The following SLC24A2 variants were observed in gnomAD, a reference collection of about 807,000 sequenced individuals.
SLC24A2 encodes the protein solute carrier family 24 member 2.
SLC24A2 carries 36 observed loss-of-function variants against 62.0 expected under a neutral mutation model. The observed-to-expected ratio is 0.58, with a 90% CI of 0.44 to 0.77. SLC24A2 has a LOEUF of 0.77. Among genes scored for constraint, SLC24A2 ranks in the 30% least tolerant of loss-of-function variants. The probability of loss-of-function intolerance (pLI) is 0.00; values close to 1 mark genes in which losing one functional copy is unlikely to be tolerated. For missense variants in SLC24A2, 846 were observed against 817.9 expected, an observed-to-expected ratio of 1.03 and a Z score of -0.42; for synonymous variants, 358 against 294.0, an observed-to-expected ratio of 1.22 and a Z score of -2.23.
intron 2 of SLC24A2, among the ~76,000 whole-genome samples, chr9:19,769,192 G>A (rs1342747480): frequency 1.3e-5 from 2 of 152,178 alleles, no homozygotes; most frequent in Non-Finnish European, 2.9e-5. Context: ...TAGTTACACA[G>A]GACAAAAAAT....
chr9:19,755,539 G>C (rs1822114330), intron 2 of SLC24A2, among the ~76,000 whole-genome samples: 1 of 152,172 alleles, frequency 6.6e-6, no homozygotes, highest in East Asian at 1.9e-4. Context: ...GGGTGTGGAA[G>C]TATGACAAAG....
At chr9:19,529,735 G>A (rs945607105) in intron 8 of SLC24A2, among the ~76,000 whole-genome samples, 3 of 150,308 alleles carry the variant, frequency 2.0e-5, no homozygotes, top group African/African-American at 7.3e-5. Flanking sequence ...TTTTTAAAGT[G>A]GAGTTGGAGA....
At chr9:20,218,986 C>T in the SLC24A2 span, among the ~76,000 whole-genome samples, 1 of 152,074 alleles carries the variant, frequency 6.6e-6, no homozygotes, top group Non-Finnish European at 1.5e-5. Context: ...GCTTAATTCA[C>T]TTTAACAAAA....
At chr9:19,623,633 AT>A (rs1162197587) in intron 2 of SLC24A2, among the ~76,000 whole-genome samples, 1 of 152,210 alleles carries the variant, frequency 6.6e-6, no homozygotes, top group African/African-American at 2.4e-5. Flanking sequence ...CAAATCTACA[AT>A]TTGTTTTCAC....
At chr9:20,168,331 G>A in the SLC24A2 span, among the ~76,000 whole-genome samples, 2 of 151,656 alleles carry the variant, frequency 1.3e-5, no homozygotes, top group Non-Finnish European at 2.9e-5. Context: ...AAAAAAGTAT[G>A]GGATATGACA....
At chr9:20,242,703 G>A in the SLC24A2 span, among the ~76,000 whole-genome samples, 2 of 152,148 alleles carry the variant, frequency 1.3e-5, no homozygotes, top group Non-Finnish European at 2.9e-5. Context: ...AAATAGCTGC[G>A]GTTAAAACAT....
intron 7 of SLC24A2, among the ~76,000 whole-genome samples, chr9:19,555,038 A>G (rs923286858): frequency 6.6e-6 from 1 of 152,166 alleles, no homozygotes; most frequent in Non-Finnish European, 1.5e-5. Flanking sequence ...TGTTAACACT[A>G]GACTAGGTGT....
chr9:19,816,242 T>C, the SLC24A2 span, among the ~76,000 whole-genome samples: 1 of 152,058 alleles, frequency 6.6e-6, no homozygotes, highest in Non-Finnish European at 1.5e-5. Flanking sequence ...TCAGGCTCTT[T>C]CTGTTTTGTT....
chr9:19,904,345 A>G, the SLC24A2 span, among the ~76,000 whole-genome samples: 1 of 152,296 alleles, frequency 6.6e-6, no homozygotes, highest in South Asian at 2.1e-4. Context: ...CACCAAAATC[A>G]CCCTCTGTAG....
At chr9:19,815,300 C>A in the SLC24A2 span, among the ~76,000 whole-genome samples, 1 of 152,098 alleles carries the variant, frequency 6.6e-6, no homozygotes, top group African/African-American at 2.4e-5. Flanking sequence ...TTCAAATTCT[C>A]ATTTCTTCCT....
the SLC24A2 span, among the ~76,000 whole-genome samples, chr9:19,857,013 T>G: frequency 6.6e-6 from 1 of 152,244 alleles, no homozygotes; most frequent in African/African-American, 2.4e-5. Context: ...TGGGTTGTAT[T>G]TTAACTTTAT....
the SLC24A2 span, among the ~76,000 whole-genome samples, chr9:19,832,303 C>T: frequency 1.3e-5 from 2 of 152,210 alleles, no homozygotes; most frequent in South Asian, 4.1e-4. Context: ...TGACTAACTA[C>T]TTCAAGTTGT....
At chr9:20,039,268 T>C in the SLC24A2 span, among the ~76,000 whole-genome samples, 1 of 152,214 alleles carries the variant, frequency 6.6e-6, no homozygotes, top group South Asian at 2.1e-4. Flanking sequence ...TGTTCTGCTA[T>C]GTCTAGAGCC....
the SLC24A2 span, among the ~76,000 whole-genome samples, chr9:20,284,696 C>T: frequency 6.6e-6 from 1 of 152,068 alleles, no homozygotes; most frequent in Non-Finnish European, 1.5e-5. Context: ...TAGAGTTTCA[C>T]AAGTAGAGAA....
chr9:20,144,939 G>A, the SLC24A2 span, among the ~76,000 whole-genome samples: 22 of 151,976 alleles, frequency 1.4e-4, no homozygotes, highest in Non-Finnish European at 2.6e-4. Context: ...CAATAATCCT[G>A]TCCTTCCAAA....
the SLC24A2 span, among the ~76,000 whole-genome samples, chr9:20,065,279 C>T: frequency 7.9e-5 from 12 of 152,214 alleles, no homozygotes; most frequent in African/African-American, 2.2e-4. Flanking sequence ...CAGCAGTCTC[C>T]CAGACAAGAC....
the SLC24A2 span, among the ~76,000 whole-genome samples, chr9:20,087,485 T>C: frequency 6.6e-6 from 1 of 152,156 alleles, no homozygotes; most frequent in Non-Finnish European, 1.5e-5. Flanking sequence ...AAGAAATAAT[T>C]TGTGTAAATC....
the SLC24A2 span, among the ~76,000 whole-genome samples, chr9:20,042,523 G>A: frequency 6.6e-6 from 1 of 152,214 alleles, no homozygotes; most frequent in Non-Finnish European, 1.5e-5. Flanking sequence ...ATGGGAGAAA[G>A]CACCCACCAA....
At chr9:20,221,185 T>G in the SLC24A2 span, among the ~76,000 whole-genome samples, 1 of 151,922 alleles carries the variant, frequency 6.6e-6, no homozygotes, top group African/African-American at 2.4e-5. Flanking sequence ...ATGGAGAAGA[T>G]AAGAGTGACA....
Sources: allele counts gnomAD v4.1 joint callset (sites outside exome capture counted in the v4.1 genomes callset), GRCh38; gene constraint gnomAD v4.1.1; transcripts MANE v1.5; gene names NCBI Gene and HGNC (gene_info 2026-07-23, HGNC 2026-07-21).